The following CACNA1D variants were observed in gnomAD, a reference collection of about 807,000 sequenced individuals.
CACNA1D encodes voltage-dependent L-type calcium channel subunit alpha-1D.
In CACNA1D, 55 loss-of-function variants were observed where a neutral mutation model predicts 257.1. The ratio of observed to expected loss-of-function variants is 0.21; its 90% CI spans 0.17 to 0.27. The LOEUF (loss-of-function observed/expected upper bound fraction) is 0.27, where lower values mean the gene tolerates loss of function less well. CACNA1D is among the 10% of genes least tolerant of loss of function. The pLI, the probability that CACNA1D is intolerant of heterozygous loss-of-function variation, is 1.00. For synonymous variants in CACNA1D, 980 were observed against 1,014.9 expected (o/e 0.97, Z 0.65); for missense variants, 1,876 against 2,784.0 (o/e 0.67, Z 7.34).
intron 7 of CACNA1D, 151 bp from the exon 8 acceptor site, chr3:53,672,872 C>T: frequency 2.0e-6 from 1 of 510,320 alleles, no homozygotes; most frequent in Non-Finnish European, 3.7e-6. Context: ...GTGTTGGCTG[C>T]TGTTGTCTCT....
rs190312380 is a variant in CACNA1D, at chr3:53,775,655, G to A, written c.4203-231G>A. On this transcript the variant is annotated intron_variant, in intron 34 of 47. Coordinates refer to ENST00000350061, the MANE Select transcript of CACNA1D (RefSeq NM_001128840.3). ...CCATTTATATGCAGACAGTTAGCGC[G>A]CTTGCATCAGATGATGGCTGTAAAT... Among the ~76,000 whole-genome samples, 17 of 152,240 alleles carry A rather than the reference G, an allele frequency of 1.1e-4. No homozygotes were observed. In the East Asian group the frequency reaches 2.1e-3, roughly 19 times the overall value.
intron 8 of CACNA1D, among the ~76,000 whole-genome samples, chr3:53,679,953 C>T (rs537564300): frequency 7.2e-5 from 11 of 152,284 alleles, no homozygotes; most frequent in African/African-American, 2.6e-4. Context: ...GCTAAATTTC[C>T]TTTTTCTAAT....
intron 9 of CACNA1D, among the ~76,000 whole-genome samples, chr3:53,711,428 C>G (rs1012420874): frequency 6.6e-6 from 1 of 152,184 alleles, no homozygotes; most frequent in Non-Finnish European, 1.5e-5. Flanking sequence ...CCCAGGCAGA[C>G]AGTTAGGTGA....
chr3:53,800,790 C>A lies in CACNA1D; in HGVS notation c.5041-268C>A. 3.6e-6 allele frequency: 2 copies of A among 560,948 alleles called. No individual in the cohort carries two copies. The highest frequency in any genetic ancestry group is 6.4e-6 in the Non-Finnish European group (2 of 312,682). The allele number at this position is 560,948 out of a possible 1,614,324, so 34.7% of individuals were successfully genotyped here. On this transcript the variant is annotated intron_variant, in intron 41 of 47. Coordinates refer to ENST00000350061, the MANE Select transcript of CACNA1D (RefSeq NM_001128840.3). This position sits in a 1 kb window ranked among gnomAD's most constrained non-coding sequence, Gnocchi z 4.3. The stretch of plus-strand genomic sequence containing the variant: ...CCAGCCCAGCTGGGTATAAGTCACC[C>A]CAACTTGGAGCAACTGGAAGAGCAC...
intron 30 of CACNA1D, chr3:53,762,508 G>C (rs995969220): frequency 3.3e-5 from 15 of 451,566 alleles, no homozygotes; most frequent in Non-Finnish European, 5.3e-5. Context: ...TTTTCCTGTG[G>C]TGCTTCCTCT....
At chr3:53,549,375 G>A (rs978618318) in intron 3 of CACNA1D, among the ~76,000 whole-genome samples, 4 of 152,190 alleles carry the variant, frequency 2.6e-5, no homozygotes, top group South Asian at 2.1e-4. Context: ...CCTTGAGACC[G>A]TGTGGATATA....
At chr3:53,695,325 G>A (rs2094563767) in intron 8 of CACNA1D, among the ~76,000 whole-genome samples, 1 of 152,208 alleles carries the variant, frequency 6.6e-6, no homozygotes, top group African/African-American at 2.4e-5. Context: ...CAACTGTGCT[G>A]AAATCAGTTG....
At chr3:53,755,743 G>C (rs529435623) in intron 29 of CACNA1D, among the ~76,000 whole-genome samples, 2 of 151,996 alleles carry the variant, frequency 1.3e-5, no homozygotes, top group African/African-American at 4.8e-5. Flanking sequence ...ATCGTGTGCC[G>C]GGATGAGTGG....
At chr3:53,626,522 A>C (rs887809812) in intron 3 of CACNA1D, among the ~76,000 whole-genome samples, 5 of 152,028 alleles carry the variant, frequency 3.3e-5, no homozygotes, top group Admixed American at 6.5e-5. Flanking sequence ...TCCCTGGAGG[A>C]GGGAAGACTT....
intron 3 of CACNA1D, among the ~76,000 whole-genome samples, chr3:53,566,320 C>G (rs528834874): frequency 1.3e-5 from 2 of 152,130 alleles, no homozygotes; most frequent in African/African-American, 2.4e-5. Context: ...TGCCAGGCAC[C>G]CTTTCACCCC....
intron 21 of CACNA1D, chr3:53,740,597 A>AT: frequency 4.7e-6 from 2 of 426,132 alleles, no homozygotes; most frequent in East Asian, 4.4e-5. Flanking sequence ...GGTTGAGCTA[A>AT]GTTTTTTTTT....
chr3:53,803,319 C>A (rs1361105709), intron 43 of CACNA1D, 104 bp from the exon 44 acceptor site: 1 of 1,321,718 alleles, frequency 7.6e-7, no homozygotes, highest in Non-Finnish European at 1.1e-6. Flanking sequence ...CTGGGAGAAG[C>A]CAGGAGCACC....
chr3:53,605,714 G>A (rs950032937), intron 3 of CACNA1D, among the ~76,000 whole-genome samples: 2 of 152,196 alleles, frequency 1.3e-5, no homozygotes, highest in African/African-American at 4.8e-5. Context: ...TTTTACGAAT[G>A]TCCTGTTTCA....
chr3:53,626,804 G>A (rs369341904), intron 3 of CACNA1D, among the ~76,000 whole-genome samples: 2 of 152,270 alleles, frequency 1.3e-5, no homozygotes, highest in South Asian at 4.1e-4. Context: ...GCTTTTACCT[G>A]TGCCTTGTTG....
At chr3:53,575,453 C>T (rs1389471470) in intron 3 of CACNA1D, among the ~76,000 whole-genome samples, 2 of 152,080 alleles carry the variant, frequency 1.3e-5, no homozygotes, top group East Asian at 1.9e-4. Flanking sequence ...TGGATTGAAT[C>T]GGGATTATGC....
chr3:53,497,447 T>TA lies in CACNA1D; in HGVS notation c.364dup (p.Ile122AsnfsTer8). The TA allele has an allele frequency of 6.2e-7, 1 of 1,614,092 alleles. No individual in the cohort carries two copies. Among genetic ancestry groups the TA allele is most frequent in the Non-Finnish European group, 8.5e-7 (1 of 1,179,980 alleles). ...ACCCCATCCGAAGAGCCTGCATTAG[T>TA]ATAGTGGAATGGAAGTATCCTTTTT... On this transcript the variant is annotated frameshift_variant, in exon 2 of 48. Transcript: ENST00000350061. LOFTEE classifies it high-confidence loss of function.
chr3:53,598,075 T>C (rs2093393363), intron 3 of CACNA1D, among the ~76,000 whole-genome samples: 1 of 152,146 alleles, frequency 6.6e-6, no homozygotes, highest in Non-Finnish European at 1.5e-5. Context: ...AGAGGGAAGC[T>C]CTAAAATGTG....
intron 3 of CACNA1D, among the ~76,000 whole-genome samples, chr3:53,582,093 G>GT (rs2093141991): frequency 6.6e-6 from 1 of 151,968 alleles, no homozygotes; most frequent in Non-Finnish European, 1.5e-5. Context: ...ATTCTCCTGT[G>GT]TTTTTGTTGG....
intron 3 of CACNA1D, among the ~76,000 whole-genome samples, chr3:53,593,929 T>C (rs1031105065): frequency 2.0e-5 from 3 of 152,090 alleles, no homozygotes; most frequent in African/African-American, 7.2e-5. Flanking sequence ...AACGCTGATG[T>C]TAGGATGCAT....
Sources: gnomAD v4.1 joint callset for allele counts (sites outside exome capture counted in the v4.1 genomes callset) on GRCh38, gnomAD v4.1.1 for gene constraint, Gnocchi (gnomAD v3.1) non-coding constraint, MANE v1.5 for transcripts, NCBI Gene and HGNC (gene_info 2026-07-23, HGNC 2026-07-21) for gene names.